XRCC4: variants seen among roughly 807,000 people sequenced by gnomAD.
The protein encoded by XRCC4 is DNA repair protein XRCC4.
Under a neutral mutation model 39.1 loss-of-function variants are expected in XRCC4, and 28 were observed. That is an observed-to-expected ratio of 0.72 (90% CI 0.53 to 0.98). The LOEUF is 0.98. Among genes scored for constraint, XRCC4 ranks in the 50% least tolerant of loss-of-function variants. XRCC4 has a pLI of 0.00. For missense variants in XRCC4, 350 were observed against 376.4 expected, an observed-to-expected ratio of 0.93 and a Z score of 0.58; for synonymous variants, 123 against 126.4, an observed-to-expected ratio of 0.97 and a Z score of 0.18.
intron 6 of XRCC4, among the ~76,000 whole-genome samples, chr5:83,247,482 GC>G (rs538865845): frequency 1.6e-3 from 236 of 152,250 alleles, no homozygotes; most frequent in Non-Finnish European, 3.0e-3. Context: ...TGTTCCTGGT[GC>G]CAAAAAGGTT....
intron 3 of XRCC4, among the ~76,000 whole-genome samples, chr5:83,170,785 A>T (rs1749686652): frequency 6.6e-6 from 1 of 152,120 alleles, no homozygotes; most frequent in East Asian, 1.9e-4. Flanking sequence ...ATGGGAGTGA[A>T]TATCTCTCAA....
At chr5:83,364,605 C>T in the XRCC4 span, among the ~76,000 whole-genome samples, 1 of 152,168 alleles carries the variant, frequency 6.6e-6, no homozygotes, top group Non-Finnish European at 1.5e-5. Context: ...ATTAAAATGA[C>T]TACCAATGTC....
chr5:83,144,233 A>G (rs1020273801), intron 3 of XRCC4, among the ~76,000 whole-genome samples: 4 of 138,950 alleles, frequency 2.9e-5, no homozygotes, highest in Non-Finnish European at 1.6e-5. Context: ...AAAAGACATC[A>G]TTTCCTTCTT....
chr5:83,285,665 A>G (rs1239677754), intron 7 of XRCC4, among the ~76,000 whole-genome samples: 1 of 152,204 alleles, frequency 6.6e-6, no homozygotes, highest in Non-Finnish European at 1.5e-5. Context: ...TAAACTGGCC[A>G]TGGTGCCATA....
rs555219149 is a variant in XRCC4, at chr5:83,275,097, G to A, written c.893+16420G>A. On this transcript the variant is annotated intron_variant, in intron 7 of 7. Coordinates refer to ENST00000396027, the MANE Select transcript of XRCC4 (RefSeq NM_003401.5). ...ACCTAGTGAAGAATTCTTAGGTCAT[G>A]CATATGTTTTAGCAGTAAAGTTCCC... Among the ~76,000 whole-genome samples the A allele has an allele frequency of 6.6e-5, 10 of 152,192 alleles. No homozygotes were observed. In the South Asian group the frequency reaches 2.1e-3, roughly 32 times the overall value.
At chr5:83,114,521 G>A (rs972195207) in intron 3 of XRCC4, among the ~76,000 whole-genome samples, 3 of 152,226 alleles carry the variant, frequency 2.0e-5, no homozygotes, top group Admixed American at 6.5e-5. Context: ...TAGCAAGAGT[G>A]ACCTTTAGTT....
chr5:83,258,904 A>T, intron 7 of XRCC4: 1 of 476,680 alleles, frequency 2.1e-6, no homozygotes, highest in Non-Finnish European at 3.6e-6. Context: ...TTTTTTTCTC[A>T]TGGTTTTTAT....
intron 1 of XRCC4, among the ~76,000 whole-genome samples, chr5:83,093,030 C>G (rs959578301): frequency 5.9e-5 from 9 of 151,892 alleles, no homozygotes; most frequent in African/African-American, 2.2e-4. Flanking sequence ...CACACACACA[C>G]ACACACACAC....
intron 6 of XRCC4, among the ~76,000 whole-genome samples, chr5:83,248,187 T>C (rs1420129625): frequency 6.6e-6 from 1 of 152,170 alleles, no homozygotes; most frequent in Non-Finnish European, 1.5e-5. Context: ...GAGAGAATGG[T>C]ACATCTAACA....
In XRCC4 at chr5:83,292,312, T is replaced by C. The variant is rs1453819562; in HGVS notation, c.893+33635T>C. ...GAACCCCTTTTACTGCAGTGTTTCA[T>C]GGAATTTTGGAAAACAATGGCCTGA... On this transcript the variant is annotated intron_variant, in intron 7 of 7. Coordinates refer to ENST00000396027, the MANE Select transcript of XRCC4 (RefSeq NM_003401.5). Among the ~76,000 whole-genome samples, 23 of 151,934 alleles carry C rather than the reference T, an allele frequency of 1.5e-4. 1 individual carries two copies. The highest frequency in any genetic ancestry group is 1.5e-3 in the Admixed American group (23 of 15,210).
At chr5:83,208,763 A>G (rs766778715) in intron 6 of XRCC4, among the ~76,000 whole-genome samples, 4 of 152,068 alleles carry the variant, frequency 2.6e-5, no homozygotes, top group Non-Finnish European at 5.9e-5. Flanking sequence ...ATATCACCGC[A>G]TACTACATTT....
intron 3 of XRCC4, among the ~76,000 whole-genome samples, chr5:83,149,757 G>A (rs1467135972): frequency 1.3e-5 from 2 of 152,100 alleles, no homozygotes; most frequent in East Asian, 3.8e-4. Context: ...GTTTTGGGTA[G>A]TGATAGCAGA....
intron 3 of XRCC4, among the ~76,000 whole-genome samples, chr5:83,154,122 C>G (rs1000303305): frequency 1.3e-5 from 2 of 152,128 alleles, no homozygotes; most frequent in Non-Finnish European, 2.9e-5. Flanking sequence ...GGCCTTTTTG[C>G]TACTTACAGT....
chr5:83,148,847 TATA>T (rs749974928), intron 3 of XRCC4, among the ~76,000 whole-genome samples: 4 of 151,742 alleles, frequency 2.6e-5, no homozygotes, highest in Admixed American at 6.6e-5. Flanking sequence ...ATAATGAAGA[TATA>T]ATAATAACAA....
At chr5:83,197,123 A>G (rs978993538) in intron 4 of XRCC4, among the ~76,000 whole-genome samples, 6 of 151,532 alleles carry the variant, frequency 4.0e-5, no homozygotes, top group African/African-American at 9.7e-5. Context: ...TATATGTTAT[A>G]TATAAATAAT....
At chr5:83,248,342 A>G (rs927800555) in intron 6 of XRCC4, among the ~76,000 whole-genome samples, 1 of 152,202 alleles carries the variant, frequency 6.6e-6, no homozygotes, top group Non-Finnish European at 1.5e-5. Flanking sequence ...ATTCTCCTAG[A>G]TGTTTTAATG....
intron 2 of XRCC4, among the ~76,000 whole-genome samples, chr5:83,110,708 A>T (rs1244559568): frequency 1.3e-5 from 2 of 152,116 alleles, no homozygotes; most frequent in Non-Finnish European, 2.9e-5. Flanking sequence ...GTAGGAAATT[A>T]TCTGGCTTTG....
At chr5:83,327,168 C>A (rs1756290023) in intron 7 of XRCC4, among the ~76,000 whole-genome samples, 1 of 152,006 alleles carries the variant, frequency 6.6e-6, no homozygotes, top group Non-Finnish European at 1.5e-5. Context: ...TTTCCATCAT[C>A]CTAAGTTTCC....
At chr5:83,162,860 T>A (rs1223065276) in intron 3 of XRCC4, among the ~76,000 whole-genome samples, 2 of 152,096 alleles carry the variant, frequency 1.3e-5, no homozygotes, top group Non-Finnish European at 2.9e-5. Context: ...CTGCTGCTAT[T>A]TTGGAGTCTC....
Sources: gnomAD v4.1 joint callset for allele counts (sites outside exome capture counted in the v4.1 genomes callset) on GRCh38, gnomAD v4.1.1 for gene constraint, MANE v1.5 for transcripts, NCBI Gene and HGNC (gene_info 2026-07-23, HGNC 2026-07-21) for gene names.